Variants in C10orf105 observed in about 807,000 individuals in gnomAD.
C10orf105 encodes chromosome 10 open reading frame 105, also known as uncharacterized protein C10orf105.
Under a neutral mutation model 0.6 loss-of-function variants are expected in C10orf105, and 2 were observed. The observed-to-expected ratio is 3.18, with a 90% CI of 1.30 to 10.01. The LOEUF (loss-of-function observed/expected upper bound fraction) is 10.01. Ranked by LOEUF, C10orf105 falls within the 30% of genes most tolerant of loss-of-function variation. The probability of loss-of-function intolerance (pLI) is 0.04; values close to 1 mark genes in which losing one functional copy is unlikely to be tolerated. For missense variants in C10orf105, 209 were observed against 191.4 expected, an observed-to-expected ratio of 1.09 and a Z score of -0.54; for synonymous variants, 95 against 82.4, an observed-to-expected ratio of 1.15 and a Z score of -0.83.
At position 71,715,702 on chromosome 10, in the gene C10orf105, CAGA is replaced by C. The variant is rs1160876305; in HGVS notation, c.*231_*233del. ...TGACCACGAGTGCACATCTCTTGACCAGAAGTCTTTCATCAAGCAGCAGCGAGG... is the reference window on the plus strand; with the variant it reads ...TGACCACGAGTGCACATCTCTTGACCAGTCTTTCATCAAGCAGCAGCGAGG... On this transcript the variant is annotated 3_prime_UTR_variant, in exon 2 of 2. Transcript: ENST00000441508. The C allele has an allele frequency of 1.5e-5, 6 of 403,300 alleles. No homozygotes were observed. The East Asian group carries it at 2.0e-4, about 13-fold the overall frequency. 25.0% of individuals were successfully genotyped at this position (403,300 alleles called of 1,614,324 possible). A position where few individuals can be genotyped will look rare whatever the true frequency, so the allele number is the denominator to read the frequency against.
At position 71,713,126 on chromosome 10, in the gene C10orf105, G is replaced by T; in HGVS notation, c.*2810C>A. The T allele has an allele frequency of 1.3e-6, 1 of 777,508 alleles. No homozygotes were observed. The allele number at this position is 777,508 out of a possible 1,614,324, so 48.2% of individuals were successfully genotyped here. A position where few individuals can be genotyped will look rare whatever the true frequency, so the allele number is the denominator to read the frequency against. ...TTCAGAGTAGCGGGGAGAAAGAGAC[G>T]TCACAATTTCCCGGAAAGGAGTTGA... On this transcript the variant is annotated 3_prime_UTR_variant, in exon 2 of 2. Transcript: ENST00000441508.
upstream of C10orf105, chr10:71,724,219 T>TA (rs981613816): frequency 3.6e-6 from 4 of 1,103,276 alleles, no homozygotes; most frequent in African/African-American, 6.2e-5. Context: ...CAGGGCCATA[T>TA]ACATGGGGCG....
chr10:71,720,420 A>AACACACACACAC (rs57346519), upstream of C10orf105, among the ~76,000 whole-genome samples: 4,761 of 145,754 alleles, frequency 0.033, 291 homozygotes, highest in African/African-American at 0.12. Flanking sequence ...CTCTTTCCAA[A>AACACACACACAC]ACACACACAC....
intron 1 of C10orf105, among the ~76,000 whole-genome samples, chr10:71,718,628 G>A (rs1337464495): frequency 6.6e-6 from 1 of 152,258 alleles, no homozygotes; most frequent in Non-Finnish European, 1.5e-5. Context: ...GCTTGGCCAG[G>A]AGTAAGAAAA....
intron 1 of C10orf105, chr10:71,734,529 A>G (rs2132832030): frequency 6.2e-7 from 1 of 1,603,068 alleles, no homozygotes; most frequent in East Asian, 2.2e-5. Flanking sequence ...ATGAGACCTC[A>G]GGCAGGTGGA....
chr10:71,723,578 G>A (rs1237660655), upstream of C10orf105, among the ~76,000 whole-genome samples: 1 of 152,218 alleles, frequency 6.6e-6, no homozygotes, highest in Non-Finnish European at 1.5e-5. Context: ...GACCGTTACA[G>A]TGTACAGTGC....
chr10:71,715,588 G>T lies in C10orf105; in HGVS notation c.*348C>A. On this transcript the variant is annotated 3_prime_UTR_variant, in exon 2 of 2. Coordinates refer to ENST00000441508, the MANE Select transcript of C10orf105 (RefSeq NM_001164375.3). ...CTGGGCTTTGGCACCTGGAGGGCAAGGCTTCTGTGGCGAGCGAGGGTGCTG... is the reference window on the plus strand; with the variant it reads ...CTGGGCTTTGGCACCTGGAGGGCAATGCTTCTGTGGCGAGCGAGGGTGCTG... The T allele has an allele frequency of 4.7e-6, 1 of 214,942 alleles. No individual in the cohort carries two copies. Among genetic ancestry groups the T allele is most frequent in the Non-Finnish European group, 9.2e-6 (1 of 109,134 alleles). 13.3% of individuals were successfully genotyped at this position (214,942 alleles called of 1,614,324 possible). A position where few individuals can be genotyped will look rare whatever the true frequency, so the allele number is the denominator to read the frequency against.
rs1374997816 is a variant in C10orf105 at position 71,716,308 on chromosome 10, G to C, written c.30C>G (p.Ser10Arg). The C allele has an allele frequency of 2.0e-6, 3 of 1,502,480 alleles. No individual in the cohort carries two copies. The highest frequency in any genetic ancestry group is 2.7e-6 in the Non-Finnish European group (3 of 1,120,434). The allele number at this position is 1,502,480 out of a possible 1,614,324, so 93.1% of individuals were successfully genotyped here. Residue 10 changes from serine (S) to arginine (R), a missense_variant, in exon 2 of 2, where the codon AGC becomes AGG. Coordinates refer to ENST00000441508, the MANE Select transcript of C10orf105 (RefSeq NM_001164375.3). ...AGGCGAGGGGGCTGATGGCTGGGGAGCTGGCGAGGCTGGGGCCCTCTGTGC... is the reference window on the plus strand; with the variant it reads ...AGGCGAGGGGGCTGATGGCTGGGGACCTGGCGAGGCTGGGGCCCTCTGTGC... MSTEGPSLA[S>R]SPAISPLAFL...
At chr10:71,730,857 A>C (rs1839353017) in intron 1 of C10orf105, among the ~76,000 whole-genome samples, 1 of 152,230 alleles carries the variant, frequency 6.6e-6, no homozygotes, top group African/African-American at 2.4e-5. Context: ...TGAGAAGTCC[A>C]GCTCCGTCAT....
In C10orf105 at chr10:71,731,961, T is replaced by C. The variant is rs370140191; in HGVS notation, c.-6+5767A>G. Reference sequence around the variant, plus strand: ...AGCCCCACTCAGTTCTATCTGGGACTGCACAGCCTCTGTGTCCTCCTACAG... The same window carrying C: ...AGCCCCACTCAGTTCTATCTGGGACCGCACAGCCTCTGTGTCCTCCTACAG... On this transcript the variant is annotated intron_variant, in intron 1 of 1. Transcript: ENST00000398786. 4.4e-4 allele frequency: 703 copies of C among 1,606,072 alleles called. 4 individuals carry two copies. Among genetic ancestry groups the C allele is most frequent in the Admixed American group, 5.9e-4 (35 of 59,648 alleles).
chr10:71,726,385 G>A (rs1173924694), intron 1 of C10orf105, among the ~76,000 whole-genome samples: 1 of 152,202 alleles, frequency 6.6e-6, no homozygotes, highest in Non-Finnish European at 1.5e-5. Flanking sequence ...GAAACAATGA[G>A]CGGTGGTCAC....
intron 1 of C10orf105, among the ~76,000 whole-genome samples, 182 bp downstream of exon 1, chr10:71,719,442 AGAG>A (rs1220983734): frequency 6.6e-6 from 1 of 152,216 alleles, no homozygotes; most frequent in African/African-American, 2.4e-5. Flanking sequence ...TGCTGTGGGC[AGAG>A]AAGACTGCTG....
Position 71,712,184 on chromosome 10 carries a change from T to C in C10orf105, c.*3752A>G, listed in dbSNP as rs116592620. On this transcript the variant is annotated 3_prime_UTR_variant, in exon 2 of 2. Transcript: ENST00000441508. ...TCTCTGTCTCAAATGTCCCTCTGCC[T>C]TTCTCTTGTAAGGACACTTGCCATT... The C allele has an allele frequency of 6.4e-6, 1 of 157,220 alleles. No homozygotes were observed. The highest frequency in any genetic ancestry group is 2.4e-5 in the African/African-American group (1 of 41,634). The allele number at this position is 157,220 out of a possible 1,614,324, so 9.7% of individuals were successfully genotyped here.
At chr10:71,728,190 C>A (rs78865428) in intron 1 of C10orf105, among the ~76,000 whole-genome samples, 5,321 of 151,960 alleles carry the variant, frequency 0.035, 170 homozygotes, top group Non-Finnish European at 0.049. Context: ...CATGCAAACT[C>A]CCCCCCGCAC....
intron 1 of C10orf105, chr10:71,734,659 G>C: frequency 6.9e-7 from 1 of 1,456,428 alleles, no homozygotes; most frequent in Non-Finnish European, 9.3e-7. Flanking sequence ...CCTACAGAAG[G>C]TGAGTAGCCT....
chr10:71,713,222 C>T lies in C10orf105; in HGVS notation c.*2714G>A, dbSNP rs1238619373. The T allele has an allele frequency of 1.3e-6, 1 of 779,216 alleles. No homozygotes were observed. Among genetic ancestry groups the T allele is most frequent in the South Asian group, 1.3e-5 (1 of 74,494 alleles). The allele number at this position is 779,216 out of a possible 1,614,324, so 48.3% of individuals were successfully genotyped here. A position where few individuals can be genotyped will look rare whatever the true frequency, so the allele number is the denominator to read the frequency against. On this transcript the variant is annotated 3_prime_UTR_variant, in exon 2 of 2. Coordinates refer to ENST00000441508, the MANE Select transcript of C10orf105 (RefSeq NM_001164375.3). ...CAGAGCCCTTGGCCGAGGCTCCCCT[C>T]TTGGGAAGTAAACAGGCACAAGAAG...
In C10orf105 at chr10:71,712,329, C is replaced by T. The variant is rs941796315; in HGVS notation, c.*3607G>A. On this transcript the variant is annotated 3_prime_UTR_variant, in exon 2 of 2. Coordinates refer to ENST00000441508, the MANE Select transcript of C10orf105 (RefSeq NM_001164375.3). ...TCTTCACAGGTTCCCAGGGGTTTAACATGGGTCTGTTTTTTTTGGGAGCCA... is the reference window on the plus strand; with the variant it reads ...TCTTCACAGGTTCCCAGGGGTTTAATATGGGTCTGTTTTTTTTGGGAGCCA... The T allele has an allele frequency of 8.1e-6, 2 of 247,606 alleles. No individual in the cohort carries two copies. Among genetic ancestry groups the T allele is most frequent in the Non-Finnish European group, 1.6e-5 (2 of 127,018 alleles). 15.3% of individuals were successfully genotyped at this position (247,606 alleles called of 1,614,324 possible).
intron 1 of C10orf105, chr10:71,734,211 C>A (rs770888963): frequency 1.3e-6 from 2 of 1,558,344 alleles, no homozygotes; most frequent in Non-Finnish European, 8.8e-7. Flanking sequence ...GCGATGTTGT[C>A]ACTCACCCAT....
In C10orf105 at chr10:71,725,591, C is replaced by A. The variant is rs1225048064; in HGVS notation, c.-5-9249G>T. 4.6e-6 allele frequency: 7 copies of A among 1,518,046 alleles called. No individual in the cohort carries two copies. The Admixed American group carries it at 1.4e-4, about 30-fold the overall frequency. 94.0% of individuals were successfully genotyped at this position (1,518,046 alleles called of 1,614,324 possible). On this transcript the variant is annotated intron_variant, in intron 1 of 1. Coordinates refer to the C10orf105 transcript ENST00000398786. ...AGCCCACAGCTAGAACAGAGAAGGCCATTAGTTGGCGCCTGGTGTGGGCAG... is the reference window on the plus strand; with the variant it reads ...AGCCCACAGCTAGAACAGAGAAGGCAATTAGTTGGCGCCTGGTGTGGGCAG...
Sources: allele counts gnomAD v4.1 joint callset (sites outside exome capture counted in the v4.1 genomes callset), GRCh38; gene constraint gnomAD v4.1.1; transcripts MANE v1.5; gene names NCBI Gene and HGNC (gene_info 2026-07-23, HGNC 2026-07-21).